CNTNAP2: variants seen among roughly 807,000 people sequenced by gnomAD.
CNTNAP2 encodes the protein contactin-associated protein-like 2.
In CNTNAP2, 98 loss-of-function variants were observed where a neutral mutation model predicts 155.2. The ratio of observed to expected loss-of-function variants is 0.63; its 90% CI spans 0.54 to 0.75. The LOEUF is 0.75. Ranked by LOEUF, CNTNAP2 falls within the 30% of genes least tolerant of loss-of-function variation. CNTNAP2 has a pLI of 0.00. For synonymous variants in CNTNAP2, 651 were observed against 631.2 expected, an observed-to-expected ratio of 1.03 and a Z score of -0.47; for missense variants, 1,727 against 1,688.1, an observed-to-expected ratio of 1.02 and a Z score of -0.40.
chr7:147,758,862 G>A (rs558261795), intron 13 of CNTNAP2, among the ~76,000 whole-genome samples: 105 of 152,138 alleles, frequency 6.9e-4, no homozygotes, highest in Non-Finnish European at 1.2e-3. Context: ...AAGTAAGTAA[G>A]TAAATAAATA....
chr7:148,091,502 G>C (rs1028180549), intron 15 of CNTNAP2, among the ~76,000 whole-genome samples: 6 of 152,176 alleles, frequency 3.9e-5, no homozygotes, highest in Non-Finnish European at 8.8e-5. Flanking sequence ...GTATGGTCCA[G>C]AGAAGGCGAT....
chr7:146,171,953 CAT>C (rs1300251147), intron 1 of CNTNAP2, among the ~76,000 whole-genome samples: 2 of 148,060 alleles, frequency 1.4e-5, no homozygotes, highest in Admixed American at 6.8e-5. Flanking sequence ...AAATTTAAAA[CAT>C]TGTAGAAATT....
intron 1 of CNTNAP2, among the ~76,000 whole-genome samples, chr7:146,173,833 C>A (rs142381938): frequency 6.6e-6 from 1 of 152,212 alleles, no homozygotes; most frequent in African/African-American, 2.4e-5. Context: ...AGCATGTAAT[C>A]TATATGTGGA....
At chr7:146,328,477 G>A (rs929320698) in intron 1 of CNTNAP2, among the ~76,000 whole-genome samples, 6 of 151,882 alleles carry the variant, frequency 4.0e-5, no homozygotes, top group Admixed American at 1.3e-4. Context: ...AAAAGACTAC[G>A]ACAAGTTAAT....
chr7:148,122,652 C>A (rs1585137731), intron 16 of CNTNAP2, among the ~76,000 whole-genome samples: 1 of 152,030 alleles, frequency 6.6e-6, no homozygotes, highest in Admixed American at 6.5e-5. Context: ...CAGGGCGTAA[C>A]TTGATCAGGT....
At chr7:147,774,355 G>A (rs1797525339) in intron 13 of CNTNAP2, among the ~76,000 whole-genome samples, 1 of 152,106 alleles carries the variant, frequency 6.6e-6, no homozygotes, top group Non-Finnish European at 1.5e-5. Flanking sequence ...AGAAGAATTT[G>A]CTTTTTGGTT....
At chr7:147,667,048 G>A (rs1325863733) in intron 13 of CNTNAP2, among the ~76,000 whole-genome samples, 2 of 152,154 alleles carry the variant, frequency 1.3e-5, no homozygotes, top group Non-Finnish European at 2.9e-5. Context: ...AGCCAAGCAA[G>A]AAGTTTGTTC....
At chr7:147,853,679 C>G (rs1379700751) in intron 13 of CNTNAP2, among the ~76,000 whole-genome samples, 1 of 152,142 alleles carries the variant, frequency 6.6e-6, no homozygotes. Flanking sequence ...CTGGATGAAC[C>G]ATTGCCATAA....
At chr7:146,441,984 G>C (rs1371771616) in intron 1 of CNTNAP2, among the ~76,000 whole-genome samples, 2 of 151,514 alleles carry the variant, frequency 1.3e-5, no homozygotes, top group African/African-American at 2.4e-5. Flanking sequence ...TCATGTATTT[G>C]CACATCCCTC....
chr7:147,786,557 T>C (rs554911012), intron 13 of CNTNAP2, among the ~76,000 whole-genome samples: 3 of 152,248 alleles, frequency 2.0e-5, no homozygotes, highest in Non-Finnish European at 2.9e-5. Flanking sequence ...AGCCACCCTT[T>C]GAAAAGCCTG....
chr7:147,352,304 TACTTAAAC>T (rs970999625), intron 9 of CNTNAP2, among the ~76,000 whole-genome samples: 6 of 152,028 alleles, frequency 3.9e-5, no homozygotes, highest in African/African-American at 1.4e-4. Context: ...ATGTCAATTG[TACTTAAAC>T]ACTTTTGAGA....
In CNTNAP2 at chr7:146,273,057, G is replaced by A. The variant is rs573950620; in HGVS notation, c.97+156084G>A. Among the ~76,000 whole-genome samples the A allele has an allele frequency of 1.0e-4, 15 of 149,904 alleles. 1 individual carries two copies. Among genetic ancestry groups the A allele is most frequent in the African/African-American group, 3.8e-4 (15 of 39,968 alleles). On this transcript the variant is annotated intron_variant, in intron 1 of 23. Coordinates refer to ENST00000361727, the MANE Select transcript of CNTNAP2 (RefSeq NM_014141.6). ...GTACAGATTGGCACATGTGTGGGAT[G>A]GTGAGGGTGGAAGGGTGAGAGAAAG...
chr7:147,219,862 G>A (rs1385194114), intron 8 of CNTNAP2, among the ~76,000 whole-genome samples: 3 of 151,696 alleles, frequency 2.0e-5, no homozygotes, highest in Non-Finnish European at 4.4e-5. Context: ...TGCAAGCTCC[G>A]CCTCCCGGGT....
intron 13 of CNTNAP2, among the ~76,000 whole-genome samples, chr7:147,873,960 A>C (rs1182469232): frequency 4.6e-5 from 7 of 152,200 alleles, no homozygotes; most frequent in Non-Finnish European, 8.8e-5. Flanking sequence ...TAAACCTTAA[A>C]GTTCCAAAAT....
Position 148,075,839 on chromosome 7 carries a change from G to A in CNTNAP2, c.2384-42279G>A, listed in dbSNP as rs138805956. Reference sequence around the variant, plus strand: ...CTTGGGAAAGCAACCACATAGTACCGTTGTTACACTCCAGAGCTATTCAAA... The same window carrying A: ...CTTGGGAAAGCAACCACATAGTACCATTGTTACACTCCAGAGCTATTCAAA... On this transcript the variant is annotated intron_variant, in intron 15 of 23. Coordinates refer to ENST00000361727, the MANE Select transcript of CNTNAP2 (RefSeq NM_014141.6). 3.4e-3 allele frequency among the ~76,000 whole-genome samples: 524 copies of A among 152,228 alleles called. 2 individuals carry two copies. The highest frequency in any genetic ancestry group is 0.012 in the African/African-American group (498 of 41,560).
chr7:148,189,911 A>T (rs986742252), intron 18 of CNTNAP2: 2 of 152,218 alleles, frequency 1.3e-5, no homozygotes, highest in South Asian at 4.1e-4. Context: ...CAAATAAGGC[A>T]GAAGACCCAA....
intron 1 of CNTNAP2, among the ~76,000 whole-genome samples, chr7:146,476,101 C>T (rs1337262571): frequency 6.6e-6 from 1 of 152,138 alleles, no homozygotes; most frequent in African/African-American, 2.4e-5. Flanking sequence ...AGGCTATCTA[C>T]TCCTCAGGAT....
intron 1 of CNTNAP2, among the ~76,000 whole-genome samples, chr7:146,571,861 AG>A (rs1798445788): frequency 6.6e-6 from 1 of 151,808 alleles, no homozygotes; most frequent in Admixed American, 6.6e-5. Flanking sequence ...GTTCCCGAGT[AG>A]CTGGGATTAC....
intron 3 of CNTNAP2, among the ~76,000 whole-genome samples, chr7:146,919,095 A>AT (rs1004342199): frequency 3.3e-5 from 5 of 151,796 alleles, no homozygotes; most frequent in South Asian, 4.2e-4. Context: ...ATCCTGTATC[A>AT]TTTTTTTGAC....
Sources: gnomAD v4.1 joint callset for allele counts (sites outside exome capture counted in the v4.1 genomes callset) on GRCh38, gnomAD v4.1.1 for gene constraint, MANE v1.5 for transcripts, NCBI Gene and HGNC (gene_info 2026-07-23, HGNC 2026-07-21) for gene names.